The following DSC2 variants were observed in gnomAD, a reference collection of about 807,000 sequenced individuals.
DSC2 encodes desmocollin 2, also known as desmocollin-2.
A neutral mutation model predicts 87.6 loss-of-function variants in DSC2; 51 were observed. The observed-to-expected ratio is 0.58, with a 90% CI of 0.46 to 0.74. DSC2 has a LOEUF of 0.74. DSC2 is among the 30% of genes least tolerant of loss of function. DSC2 has a pLI of 0.00. For synonymous variants in DSC2, 383 were observed against 393.2 expected (o/e 0.97, Z 0.31); for missense variants, 1,066 against 1,089.5 (o/e 0.98, Z 0.30).
Position 31,074,882 on chromosome 18 carries a change from C to G in DSC2, c.1689G>C (p.Leu563=). The change falls in exon 12 of 16, where the codon CTG becomes CTC. Residue 563 remains leucine, a synonymous_variant. Coordinates refer to ENST00000280904, the MANE Select transcript of DSC2 (RefSeq NM_024422.6). ...DQGGRTCTGT[L]GIILQDVNDN... is the part of the protein sequence containing the mutation. ...CATTCACGTCTTGAAGTATAATGCC[C>G]AGTGTCCCCGTACATGTTCTCCCTC... is the stretch of plus-strand genomic sequence containing the variant. 1 of 1,613,722 alleles carries G rather than the reference C, an allele frequency of 6.2e-7. No homozygotes were observed. The highest frequency in any genetic ancestry group is 8.5e-7 in the Non-Finnish European group (1 of 1,179,888).
Position 31,067,437 on chromosome 18 carries a change from T to C in DSC2, c.*578A>G, listed in dbSNP as rs1239862124. 1.3e-5 allele frequency: 2 copies of C among 152,644 alleles called. No individual in the cohort carries two copies. The highest frequency in any genetic ancestry group is 6.5e-5 in the Admixed American group (1 of 15,316). 9.5% of individuals were successfully genotyped at this position (152,644 alleles called of 1,614,324 possible). A position where few individuals can be genotyped will look rare whatever the true frequency, so the allele number is the denominator to read the frequency against. ...CACAGATTCAGTGCAGGATTTTATA[T>C]ACAATAAAACCTAAAACTAAACTCC... On this transcript the variant is annotated 3_prime_UTR_variant, in exon 16 of 16. Coordinates refer to ENST00000280904, the MANE Select transcript of DSC2 (RefSeq NM_024422.6).
At chr18:31,090,369 A>C (rs1428168198) in intron 4 of DSC2, among the ~76,000 whole-genome samples, 2 of 152,204 alleles carry the variant, frequency 1.3e-5, no homozygotes, top group African/African-American at 4.8e-5. Context: ...TGTAGTAGCC[A>C]CCAGTAATGG....
chr18:31,095,504 CTGAT>C (rs2144855018), intron 1 of DSC2, among the ~76,000 whole-genome samples: 2 of 152,200 alleles, frequency 1.3e-5, no homozygotes, highest in African/African-American at 2.4e-5. Flanking sequence ...AACCAAGAGA[CTGAT>C]TGGGAGACTA....
intron 11 of DSC2, among the ~76,000 whole-genome samples, chr18:31,076,720 C>T (rs1987028749): frequency 6.6e-6 from 1 of 152,064 alleles, no homozygotes; most frequent in Admixed American, 6.6e-5. Flanking sequence ...TAAAGAAAAA[C>T]ATGGCTTTTC....
At chr18:31,068,840 T>C (rs1352317151) in intron 15 of DSC2, 54 bp downstream of exon 15, 1 of 1,600,114 alleles carries the variant, frequency 6.2e-7, no homozygotes, top group Non-Finnish European at 8.5e-7. Context: ...GTTAGTTATT[T>C]ATAAAGTTTA....
chr18:31,070,622 G>A (rs1326827914), intron 14 of DSC2, 104 bp downstream of exon 14: 1 of 1,494,070 alleles, frequency 6.7e-7, no homozygotes, highest in Non-Finnish European at 9.2e-7. Flanking sequence ...ATGGTAAATT[G>A]CCTGATACCA....
At chr18:31,084,189 A>G (rs1987322078) in intron 7 of DSC2, among the ~76,000 whole-genome samples, 2 of 152,164 alleles carry the variant, frequency 1.3e-5, no homozygotes, top group Admixed American at 6.5e-5. Flanking sequence ...AAATAAAACT[A>G]AAGTTTCTCT....
In DSC2 at chr18:31,061,299, G is replaced by T. The variant is rs1374940385; in HGVS notation, c.*6716C>A. 6.6e-6 allele frequency: 1 copy of T among 152,170 alleles called. No homozygotes were observed. Among genetic ancestry groups the T allele is most frequent in the African/African-American group, 2.4e-5 (1 of 41,432 alleles). 9.4% of individuals were successfully genotyped at this position (152,170 alleles called of 1,614,324 possible). A position where few individuals can be genotyped will look rare whatever the true frequency, so the allele number is the denominator to read the frequency against. On this transcript the variant is annotated 3_prime_UTR_variant, in exon 16 of 16. Transcript: ENST00000280904. ...CAAAATAAGTAAACAGAAAAGATGT[G>T]GCTAGCAGAAACTCCACAATTCTAA...
chr18:31,086,821 C>A, intron 6 of DSC2, 79 bp from the exon 7 acceptor site: 1 of 1,521,010 alleles, frequency 6.6e-7, no homozygotes, highest in Non-Finnish European at 8.9e-7. Flanking sequence ...TTTTCACCCA[C>A]CTCAAAAAAG....
intron 12 of DSC2, among the ~76,000 whole-genome samples, chr18:31,072,580 A>C (rs1033489939): frequency 6.6e-6 from 1 of 152,212 alleles, no homozygotes; most frequent in African/African-American, 2.4e-5. Flanking sequence ...AAACCTTATT[A>C]CGACAACAGT....
intron 15 of DSC2, 127 bp downstream of exon 15, chr18:31,068,767 A>G: frequency 7.8e-7 from 1 of 1,277,182 alleles, no homozygotes; most frequent in Non-Finnish European, 1.1e-6. Flanking sequence ...GAGGAAAAAT[A>G]ATAGCTTTCA....
chr18:31,068,068 C>A lies in DSC2; in HGVS notation c.2653G>T (p.Asp885Tyr), dbSNP rs1419816381. The A allele has an allele frequency of 6.2e-7, 1 of 1,613,824 alleles. No homozygotes were observed. Among genetic ancestry groups the A allele is most frequent in the Non-Finnish European group, 8.5e-7 (1 of 1,179,980 alleles). Residue 885 changes from aspartate (D) to tyrosine (Y), a missense_variant, in exon 16 of 16, where the codon GAT becomes TAT. Asp to Tyr is a radical substitution (Grantham distance 160, BLOSUM62 -3). Coordinates refer to ENST00000280904, the MANE Select transcript of DSC2 (RefSeq NM_024422.6). ...RQEEDGLEFL[D>Y]NLEPKFRTLA... ...GTCCTAAATTTGGGCTCCAAATTAT[C>A]CAAAAATTCAAGCCCATCTTCTTCT...
At chr18:31,085,504 G>C (rs577623834) in intron 7 of DSC2, among the ~76,000 whole-genome samples, 1 of 150,908 alleles carries the variant, frequency 6.6e-6, no homozygotes, top group Non-Finnish European at 1.5e-5. Flanking sequence ...ACTTTCCTTA[G>C]TTTTAAACAT....
chr18:31,062,941 T>A lies in DSC2; in HGVS notation c.*5074A>T, dbSNP rs550426521. Reference sequence around the variant, plus strand: ...CATACACCATGTCTATCATGTAAAATTTATGCCACAGAAAATTAGTATGTG... The same window carrying A: ...CATACACCATGTCTATCATGTAAAAATTATGCCACAGAAAATTAGTATGTG... On this transcript the variant is annotated 3_prime_UTR_variant, in exon 16 of 16. Coordinates refer to ENST00000280904, the MANE Select transcript of DSC2 (RefSeq NM_024422.6). 6.6e-6 allele frequency: 1 copy of A among 152,322 alleles called. No homozygotes were observed. Among genetic ancestry groups the A allele is most frequent in the East Asian group, 1.9e-4 (1 of 5,192 alleles). 9.4% of individuals were successfully genotyped at this position (152,322 alleles called of 1,614,324 possible). A position where few individuals can be genotyped will look rare whatever the true frequency, so the allele number is the denominator to read the frequency against.
intron 1 of DSC2, chr18:31,101,634 G>A: frequency 4.5e-6 from 2 of 443,880 alleles, no homozygotes; most frequent in Non-Finnish European, 7.9e-6. Context: ...TTTTGGCTGG[G>A]CGAAAGCGGC....
In DSC2 at chr18:31,069,068, G is replaced by A. The variant is rs1282599604; in HGVS notation, c.2334C>T (p.Asn778=). 3.7e-6 allele frequency: 6 copies of A among 1,613,978 alleles called. No individual in the cohort carries two copies. The highest frequency in any genetic ancestry group is 1.6e-4 in the Middle Eastern group (1 of 6,084). ...CCATTTCGATGGTCTCCTGACCTCC[G>A]TTTTTGATTCCTGATCCCACGGTGC... ...VCGTVGSGIK[N]GGQETIEMVK... Residue 778 remains asparagine (N), a synonymous_variant, in exon 15 of 16, where the codon AAC becomes AAT. Transcript: ENST00000280904.
chr18:31,071,637 A>G lies in DSC2; in HGVS notation c.2093T>C (p.Leu698Pro). 6.2e-7 allele frequency: 1 copy of G among 1,614,134 alleles called. No homozygotes were observed. Among genetic ancestry groups the G allele is most frequent in the Non-Finnish European group, 8.5e-7 (1 of 1,180,000 alleles). ...GGVQLGKWAI[L>P]AILLGIALLF... is the part of the protein sequence containing the mutation. Reference sequence around the variant, plus strand: ...CAATGCTATGCCCAACAATATTGCAAGGATGGCCCACTTTCCAAGTTGTAC... The same window carrying G: ...CAATGCTATGCCCAACAATATTGCAGGGATGGCCCACTTTCCAAGTTGTAC... The change falls in exon 13 of 16, where the codon CTT (leucine) becomes CCT (proline). Residue 698 changes from leucine to proline, a missense_variant. Leu to Pro is a moderately conservative substitution (Grantham distance 98). Transcript: ENST00000280904.
chr18:31,079,474 C>A (rs1422043957), intron 11 of DSC2, among the ~76,000 whole-genome samples: 1 of 151,994 alleles, frequency 6.6e-6, no homozygotes, highest in African/African-American at 2.4e-5. Context: ...AGGCTGGTCT[C>A]GAACTCATGA....
Position 31,087,696 on chromosome 18 carries a change from A to T in DSC2, c.748T>A (p.Phe250Ile). 1.2e-6 allele frequency: 2 copies of T among 1,613,276 alleles called. No individual in the cohort carries two copies. The highest frequency in any genetic ancestry group is 1.7e-6 in the Non-Finnish European group (2 of 1,179,814). ...YPIFTEETYTFTIFENCRVGT... is the reference protein window; with the variant it reads ...YPIFTEETYTITIFENCRVGT... ...ACTCTGCAATTTTCAAAAATTGTAA[A>T]AGTATAAGTTTCTTCTGTAAAAATT... Residue 250 changes from phenylalanine (F) to isoleucine (I), a missense_variant, in exon 6 of 16, where the codon TTT becomes ATT. By Grantham distance (21) the Phe-to-Ile change is conservative. Coordinates refer to ENST00000280904, the MANE Select transcript of DSC2 (RefSeq NM_024422.6).
Sources: allele counts gnomAD v4.1 joint callset (sites outside exome capture counted in the v4.1 genomes callset), GRCh38; gene constraint gnomAD v4.1.1; transcripts MANE v1.5; gene names NCBI Gene and HGNC (gene_info 2026-07-23, HGNC 2026-07-21).